The following PRUNE2 variants were observed in gnomAD, a reference collection of about 807,000 sequenced individuals.
PRUNE2 encodes the protein protein prune homolog 2.
Under a neutral mutation model 252.0 loss-of-function variants are expected in PRUNE2, and 164 were observed. That is an observed-to-expected ratio of 0.65 (90% CI 0.57 to 0.74). PRUNE2 has a LOEUF of 0.74. Among genes scored for constraint, PRUNE2 ranks in the 30% least tolerant of loss-of-function variants. PRUNE2 has a pLI of 0.00. For missense variants in PRUNE2, 3,495 were observed against 3,711.0 expected (o/e 0.94, Z 1.51); for synonymous variants, 1,292 against 1,350.2 (o/e 0.96, Z 0.94).
chr9:76,814,591 C>T (rs1450045575), intron 6 of PRUNE2, among the ~76,000 whole-genome samples: 1 of 152,092 alleles, frequency 6.6e-6, no homozygotes, highest in African/African-American at 2.4e-5. Context: ...ACTGAAACAC[C>T]ATTTTATTCT....
chr9:76,753,227 A>C (rs1391282025), intron 6 of PRUNE2, among the ~76,000 whole-genome samples: 1 of 152,070 alleles, frequency 6.6e-6, no homozygotes. Context: ...ATGGAGTCTC[A>C]TTATGTTGCC....
At chr9:76,686,624 T>TA (rs1283302648) in intron 9 of PRUNE2, among the ~76,000 whole-genome samples, 1 of 152,048 alleles carries the variant, frequency 6.6e-6, no homozygotes, top group Non-Finnish European at 1.5e-5. Flanking sequence ...CTGGCTGTTT[T>TA]AAAAAAATTT....
At chr9:76,879,515 T>C (rs1388845487) in intron 1 of PRUNE2, among the ~76,000 whole-genome samples, 1 of 152,094 alleles carries the variant, frequency 6.6e-6, no homozygotes, top group Non-Finnish European at 1.5e-5. Flanking sequence ...GCTTATATTC[T>C]AATGAGGAAC....
intron 4 of PRUNE2, among the ~76,000 whole-genome samples, chr9:76,834,063 AG>A (rs2058823328): frequency 6.6e-6 from 1 of 151,796 alleles, no homozygotes; most frequent in Non-Finnish European, 1.5e-5. Flanking sequence ...TTGTATTTTT[AG>A]GAGAGACGGG....
rs562228755 is a variant in PRUNE2 at position 76,677,999 on chromosome 9, G to A, written c.8277-22497C>T. Among the ~76,000 whole-genome samples, 652 of 152,252 alleles carry A rather than the reference G, an allele frequency of 4.3e-3. 2 individuals are homozygous for A. The highest frequency in any genetic ancestry group is 5.1e-3 in the Non-Finnish European group (349 of 68,028). Reference sequence around the variant, plus strand: ...TATGCCAGCGTTTGCCAGAGCCTGCGCCCAGAGAACCAGCTCCACAGATCT... The same window carrying A: ...TATGCCAGCGTTTGCCAGAGCCTGCACCCAGAGAACCAGCTCCACAGATCT... On this transcript the variant is annotated intron_variant, in intron 9 of 18. Coordinates refer to ENST00000376718, the MANE Select transcript of PRUNE2 (RefSeq NM_015225.3).
chr9:76,748,340 G>A (rs914638934), intron 6 of PRUNE2, among the ~76,000 whole-genome samples: 3 of 152,194 alleles, frequency 2.0e-5, no homozygotes, highest in Admixed American at 6.5e-5. Context: ...GTCCCTGCCT[G>A]CTAAGACCCT....
chr9:76,704,930 G>A lies in PRUNE2; in HGVS notation c.7344C>T (p.Asn2448=), dbSNP rs781614624. ...RSEGNQAETK[N]RLPGSQLAVL... ...CAGCCAGCTGGGATCCAGGCAGTCTGTTTTTGGTCTCAGCCTGGTTTCCCT... is the reference window on the plus strand; with the variant it reads ...CAGCCAGCTGGGATCCAGGCAGTCTATTTTTGGTCTCAGCCTGGTTTCCCT... The change falls in exon 8 of 19, where the codon AAC becomes AAT. Residue 2448 remains asparagine, a synonymous_variant. Transcript: ENST00000376718. The A allele has an allele frequency of 3.7e-6, 6 of 1,612,502 alleles. No homozygotes were observed. In the Admixed American group the frequency reaches 1.0e-4, roughly 27 times the overall value.
intron 9 of PRUNE2, among the ~76,000 whole-genome samples, chr9:76,656,056 C>CT (rs1849093168): frequency 6.6e-6 from 1 of 152,100 alleles, no homozygotes; most frequent in African/African-American, 2.4e-5. Context: ...ATTTTTCTTC[C>CT]TTTTTTGAAT....
At chr9:76,835,875 A>T (rs1180220336) in intron 4 of PRUNE2, among the ~76,000 whole-genome samples, 1 of 152,206 alleles carries the variant, frequency 6.6e-6, no homozygotes, top group Non-Finnish European at 1.5e-5. Flanking sequence ...AAATGAAACT[A>T]CCAATAGGAA....
At chr9:76,641,992 T>G in intron 12 of PRUNE2, 1 of 1,169,918 alleles carries the variant, frequency 8.5e-7, no homozygotes, top group Non-Finnish European at 1.1e-6. Context: ...TATAATGAAA[T>G]AAGAGAAGTA....
chr9:76,636,037 A>G (rs1324561640), intron 15 of PRUNE2, among the ~76,000 whole-genome samples: 1 of 152,204 alleles, frequency 6.6e-6, no homozygotes. Flanking sequence ...AACGTTGTGT[A>G]GGTCTATTCA....
chr9:76,799,318 A>G (rs1357896981), intron 6 of PRUNE2, among the ~76,000 whole-genome samples: 1 of 151,236 alleles, frequency 6.6e-6, no homozygotes, highest in Non-Finnish European at 1.5e-5. Context: ...TCCAGCCTGG[A>G]AAACAAGAGT....
chr9:76,846,801 C>T, intron 3 of PRUNE2, 123 bp from the exon 4 acceptor site: 1 of 692,216 alleles, frequency 1.4e-6, no homozygotes, highest in Non-Finnish European at 2.4e-6. Context: ...TATGAGGGAA[C>T]TCACATGACT....
intron 6 of PRUNE2, among the ~76,000 whole-genome samples, chr9:76,748,197 G>A (rs945239394): frequency 6.6e-6 from 1 of 152,180 alleles, no homozygotes; most frequent in African/African-American, 2.4e-5. Context: ...TGATATTTGA[G>A]GCAGTAGATA....
chr9:76,903,423 A>C (rs1218812066), intron 1 of PRUNE2, among the ~76,000 whole-genome samples: 1 of 151,866 alleles, frequency 6.6e-6, no homozygotes, highest in Non-Finnish European at 1.5e-5. Context: ...TTGTTTGTTT[A>C]GGTATCATAT....
At chr9:76,864,165 G>C (rs1477393549) in intron 1 of PRUNE2, among the ~76,000 whole-genome samples, 1 of 152,156 alleles carries the variant, frequency 6.6e-6, no homozygotes, top group East Asian at 1.9e-4. Context: ...GCTGGATGGA[G>C]GACATTATCC....
chr9:76,704,265 C>T (rs958069960), intron 8 of PRUNE2, among the ~76,000 whole-genome samples, 166 bp from the exon 9 acceptor site: 1 of 152,030 alleles, frequency 6.6e-6, no homozygotes. Context: ...CGCTCTGTCA[C>T]CCAGGATAGA....
At chr9:76,667,688 G>A (rs1017432194) in intron 9 of PRUNE2, among the ~76,000 whole-genome samples, 4 of 152,226 alleles carry the variant, frequency 2.6e-5, no homozygotes, top group African/African-American at 9.6e-5. Flanking sequence ...TCCTTCAACT[G>A]CTGCTCAGCA....
At chr9:76,815,531 GC>G (rs574588098) in intron 6 of PRUNE2, among the ~76,000 whole-genome samples, 1 of 152,288 alleles carries the variant, frequency 6.6e-6, no homozygotes, top group South Asian at 2.1e-4. Context: ...ATTCATGAGA[GC>G]AGAATGCTCA....
Sources: gnomAD v4.1 joint callset for allele counts (sites outside exome capture counted in the v4.1 genomes callset) on GRCh38, gnomAD v4.1.1 for gene constraint, MANE v1.5 for transcripts, NCBI Gene and HGNC (gene_info 2026-07-23, HGNC 2026-07-21) for gene names.